CDK14: variants seen among roughly 807,000 people sequenced by gnomAD.
CDK14 encodes the protein cyclin-dependent kinase 14.
A neutral mutation model predicts 60.7 loss-of-function variants in CDK14; 34 were observed. The ratio of observed to expected loss-of-function variants is 0.56; its 90% confidence interval spans 0.43 to 0.75. The LOEUF (loss-of-function observed/expected upper bound fraction) is 0.75, where lower values mean the gene tolerates loss of function less well. Ranked by LOEUF, CDK14 falls within the 30% of genes least tolerant of loss-of-function variation. CDK14 has a pLI of 0.00. For missense variants in CDK14, 482 were observed against 564.1 expected, an observed-to-expected ratio of 0.85 and a Z score of 1.47; for synonymous variants, 197 against 203.7, an observed-to-expected ratio of 0.97 and a Z score of 0.28.
At chr7:91,052,098 A>G (rs1797409062) in intron 11 of CDK14, among the ~76,000 whole-genome samples, 1 of 152,174 alleles carries the variant, frequency 6.6e-6, no homozygotes, top group Non-Finnish European at 1.5e-5. Context: ...CTAGCTGTCA[A>G]AGAGTACCCT....
intron 2 of CDK14, among the ~76,000 whole-genome samples, chr7:90,615,626 C>T (rs781616144): frequency 7.2e-5 from 11 of 151,940 alleles, no homozygotes; most frequent in Non-Finnish European, 1.5e-4. Flanking sequence ...GTTAGAGTAC[C>T]AGGAATTTGG....
intron 14 of CDK14, among the ~76,000 whole-genome samples, chr7:91,176,377 C>G (rs1236688255): frequency 6.6e-6 from 1 of 152,060 alleles, no homozygotes; most frequent in Non-Finnish European, 1.5e-5. Flanking sequence ...AAAATTGACA[C>G]CCTAACATCA....
chr7:90,928,906 T>A (rs1001329458), intron 8 of CDK14, among the ~76,000 whole-genome samples: 3 of 152,208 alleles, frequency 2.0e-5, no homozygotes, highest in African/African-American at 7.2e-5. Flanking sequence ...GTTTACCTAC[T>A]CAAGCCTCAG....
chr7:91,172,688 G>A (rs577317736), intron 14 of CDK14, among the ~76,000 whole-genome samples: 1 of 152,168 alleles, frequency 6.6e-6, no homozygotes, highest in African/African-American at 2.4e-5. Context: ...TTGGGGTACA[G>A]AACATGCCTC....
chr7:91,171,649 T>C (rs1411039811), intron 14 of CDK14, among the ~76,000 whole-genome samples: 1 of 152,172 alleles, frequency 6.6e-6, no homozygotes, highest in African/African-American at 2.4e-5. Context: ...TGTTGTCTTT[T>C]GTTTTTTGTT....
At chr7:91,054,624 G>C (rs1334032347) in intron 11 of CDK14, among the ~76,000 whole-genome samples, 1 of 152,112 alleles carries the variant, frequency 6.6e-6, no homozygotes, top group Non-Finnish European at 1.5e-5. Flanking sequence ...GTTGAGAGTC[G>C]GTGTTTGCAT....
chr7:90,633,908 C>T (rs923509837), intron 2 of CDK14, among the ~76,000 whole-genome samples: 5 of 152,012 alleles, frequency 3.3e-5, no homozygotes, highest in African/African-American at 9.7e-5. Context: ...AGACTTTAGT[C>T]GGCAGATTAT....
At chr7:90,626,945 CAAAACAAAACAAAAACAGCAAAAAACA>C (rs1431824738) in intron 2 of CDK14, among the ~76,000 whole-genome samples, 1 of 149,418 alleles carries the variant, frequency 6.7e-6, no homozygotes, top group African/African-American at 2.5e-5. Context: ...TCTCAAAAAA[CAAAACAAAACAAAAACAGCAAAAAACA>C]AAAACAAAAA....
intron 5 of CDK14, among the ~76,000 whole-genome samples, chr7:90,827,173 C>G (rs554334043): frequency 6.6e-6 from 1 of 150,720 alleles, no homozygotes; most frequent in South Asian, 2.1e-4. Flanking sequence ...TTTGTCTTTT[C>G]TAGAATGTCA....
chr7:90,799,917 C>G (rs1788574974), intron 5 of CDK14, among the ~76,000 whole-genome samples: 1 of 151,888 alleles, frequency 6.6e-6, no homozygotes, highest in African/African-American at 2.4e-5. Flanking sequence ...AGTGATAACA[C>G]ATTTTTCAAT....
At chr7:90,799,107 C>A (rs1788538384) in intron 5 of CDK14, among the ~76,000 whole-genome samples, 1 of 152,144 alleles carries the variant, frequency 6.6e-6, no homozygotes, top group Non-Finnish European at 1.5e-5. Context: ...GGTGAATGAA[C>A]CAGTTGTCTC....
chr7:90,966,389 A>G (rs371118270), intron 9 of CDK14, among the ~76,000 whole-genome samples: 1 of 152,122 alleles, frequency 6.6e-6, no homozygotes, highest in Non-Finnish European at 1.5e-5. Flanking sequence ...CGGTCAGTTC[A>G]TTGTATATTG....
At chr7:90,925,067 C>T (rs1300021512) in intron 8 of CDK14, among the ~76,000 whole-genome samples, 2 of 151,730 alleles carry the variant, frequency 1.3e-5, no homozygotes, top group South Asian at 2.1e-4. Context: ...TACCACATAC[C>T]GGAAAGGAAT....
At chr7:90,832,353 G>A (rs1421142332) in intron 5 of CDK14, among the ~76,000 whole-genome samples, 1 of 152,166 alleles carries the variant, frequency 6.6e-6, no homozygotes, top group African/African-American at 2.4e-5. Flanking sequence ...CCTGATGCTT[G>A]TAGTGATGGA....
Position 90,999,516 on chromosome 7 carries a change from G to GA in CDK14, c.1041+15276dup, listed in dbSNP as rs763147574. Reference sequence around the variant, plus strand: ...AGGCAGGAGAATCACTTGAACCTGGGAGGCGGAGGTTGCAGTGAGCCGAGA... The same window carrying GA: ...AGGCAGGAGAATCACTTGAACCTGGGAAGGCGGAGGTTGCAGTGAGCCGAGA... On this transcript the variant is annotated intron_variant, in intron 10 of 14. Coordinates refer to ENST00000380050, the MANE Select transcript of CDK14 (RefSeq NM_001287135.2). 3.3e-5 allele frequency among the ~76,000 whole-genome samples: 5 copies of GA among 152,162 alleles called. No homozygotes were observed. In the South Asian group the frequency reaches 6.2e-4, roughly 19 times the overall value.
chr7:90,704,646 C>CT (rs563323930), intron 2 of CDK14, among the ~76,000 whole-genome samples: 1 of 151,940 alleles, frequency 6.6e-6, no homozygotes, highest in Non-Finnish European at 1.5e-5. Flanking sequence ...AAAGTTAGTT[C>CT]TTTTTTCCCC....
intron 8 of CDK14, among the ~76,000 whole-genome samples, chr7:90,952,325 A>C (rs1054894229): frequency 6.6e-6 from 1 of 152,182 alleles, no homozygotes; most frequent in Non-Finnish European, 1.5e-5. Context: ...ATTATCTATA[A>C]GATAACCATC....
At chr7:90,849,965 G>A (rs1790593611) in intron 5 of CDK14, among the ~76,000 whole-genome samples, 1 of 151,996 alleles carries the variant, frequency 6.6e-6, no homozygotes, top group African/African-American at 2.4e-5. Flanking sequence ...TCAAAGCAAA[G>A]CTTTTACCAT....
At chr7:91,112,832 T>G (rs1799506691) in intron 13 of CDK14, 151 bp downstream of exon 13, 1 of 742,062 alleles carries the variant, frequency 1.3e-6, no homozygotes, top group Non-Finnish European at 2.2e-6. Flanking sequence ...GGTGTGTGTG[T>G]GTGTGTGTGT....
Sources: gnomAD v4.1 joint callset for allele counts (sites outside exome capture counted in the v4.1 genomes callset) on GRCh38, gnomAD v4.1.1 for gene constraint, MANE v1.5 for transcripts, NCBI Gene and HGNC (gene_info 2026-07-23, HGNC 2026-07-21) for gene names.